The following SLC30A1 variants were observed in gnomAD, a reference collection of about 807,000 sequenced individuals.
SLC30A1 encodes proton-coupled zinc antiporter SLC30A1.
SLC30A1 carries 7 observed loss-of-function variants against 29.8 expected under a neutral mutation model. The observed-to-expected ratio is 0.23, with a 90% confidence interval of 0.13 to 0.44. The LOEUF (loss-of-function observed/expected upper bound fraction) is 0.44. Among genes scored for constraint, SLC30A1 ranks in the 20% least tolerant of loss-of-function variants. SLC30A1 has a pLI of 1.00. For synonymous variants in SLC30A1, 254 were observed against 253.5 expected, an observed-to-expected ratio of 1.00 and a Z score of -0.02; for missense variants, 446 against 647.9, an observed-to-expected ratio of 0.69 and a Z score of 3.38.
Position 211,575,553 on chromosome 1 carries a change from G to C in SLC30A1, c.1359C>G (p.Ala453=). 7 of 1,614,138 alleles carry C rather than the reference G, an allele frequency of 4.3e-6. No homozygotes were observed. Among genetic ancestry groups the C allele is most frequent in the African/African-American group, 1.3e-5 (1 of 75,030 alleles). ...LKQCCGTLPQ[A]PSGKDAEKTP... is the part of the protein sequence containing the mutation. ...TCTTTTCTGCATCCTTTCCAGAAGG[G>C]GCTTGTGGTAGTGTCCCACAACATT... The change falls in exon 2 of 2, where the codon GCC becomes GCG. Residue 453 remains alanine, a synonymous_variant. Coordinates refer to ENST00000367001, the MANE Select transcript of SLC30A1 (RefSeq NM_021194.3). This position sits in a 1 kb window ranked among gnomAD's most constrained non-coding sequence, Gnocchi z 6.0.
In SLC30A1 at chr1:211,572,909, TA is replaced by T. The variant is rs1706669166; in HGVS notation, c.*2478del. ...ATTCTACACTGATCTTGCTCAAATA[TA>T]AAAGAGCCAGCAGGAGAGATGCAAC... On this transcript the variant is annotated 3_prime_UTR_variant, in exon 2 of 2. Coordinates refer to ENST00000367001, the MANE Select transcript of SLC30A1 (RefSeq NM_021194.3). 1 of 152,078 alleles carries T rather than the reference TA, an allele frequency of 6.6e-6. No individual in the cohort carries two copies. Among genetic ancestry groups the T allele is most frequent in the Non-Finnish European group, 1.5e-5 (1 of 67,938 alleles). The allele number at this position is 152,078 out of a possible 1,614,324, so 9.4% of individuals were successfully genotyped here.
rs1265444547 is a variant in SLC30A1 at position 211,578,244 on chromosome 1, C to A, written c.369G>T (p.Gly123=). Residue 123 remains glycine, a synonymous_variant, in exon 1 of 2, where the codon GGG becomes GGT. Coordinates refer to ENST00000367001, the MANE Select transcript of SLC30A1 (RefSeq NM_021194.3). ...PLVVLGVGVA[G]LLVNVLGLCL... ...AGAGCCCCAGCACGTTGACCAGCAG[C>A]CCGGCCACGCCGACCCCAAGGACCA... 1.2e-6 allele frequency: 2 copies of A among 1,611,890 alleles called. No homozygotes were observed. Among genetic ancestry groups the A allele is most frequent in the East Asian group, 4.5e-5 (2 of 44,840 alleles).
Position 211,578,675 on chromosome 1 carries a change from G to C in SLC30A1, c.-63C>G. The C allele has an allele frequency of 7.1e-7, 1 of 1,406,836 alleles. No homozygotes were observed. Among genetic ancestry groups the C allele is most frequent in the Non-Finnish European group, 9.2e-7 (1 of 1,087,024 alleles). 87.1% of individuals were successfully genotyped at this position (1,406,836 alleles called of 1,614,324 possible). On this transcript the variant is annotated 5_prime_UTR_variant, in exon 1 of 2. Transcript: ENST00000367001. ...ACTGGTGCAGCGGCGGCGTTGGCGG[G>C]ACGCGGAGGGTCGGCGACCGCGACA... is the stretch of plus-strand genomic sequence containing the variant.
chr1:211,578,714 G>A lies in SLC30A1; in HGVS notation c.-102C>T, dbSNP rs1240653737. Reference sequence around the variant, plus strand: ...GCGACCGCGACACGGAGGAGCGCCCGAGTCGGGCCGTTCGGGAAACCGCTG... The same window carrying A: ...GCGACCGCGACACGGAGGAGCGCCCAAGTCGGGCCGTTCGGGAAACCGCTG... On this transcript the variant is annotated 5_prime_UTR_variant, in exon 1 of 2. Coordinates refer to ENST00000367001, the MANE Select transcript of SLC30A1 (RefSeq NM_021194.3). 4.8e-6 allele frequency: 6 copies of A among 1,243,858 alleles called. No individual in the cohort carries two copies. The highest frequency in any genetic ancestry group is 3.0e-5 in the East Asian group (1 of 33,030). 77.1% of individuals were successfully genotyped at this position (1,243,858 alleles called of 1,614,324 possible).
At position 211,578,094 on chromosome 1, in the gene SLC30A1, G is replaced by C. The variant is rs1389038137; in HGVS notation, c.519C>G (p.Ser173Arg). The C allele has an allele frequency of 1.2e-6, 2 of 1,611,500 alleles. No individual in the cohort carries two copies. Among genetic ancestry groups the C allele is most frequent in the African/African-American group, 1.3e-5 (1 of 75,034 alleles). The change falls in exon 1 of 2, where the codon AGC becomes AGG. Residue 173 changes from serine to arginine, a missense_variant. By Grantham distance (110) the Ser-to-Arg change is moderately radical (BLOSUM62 -1). Coordinates refer to ENST00000367001, the MANE Select transcript of SLC30A1 (RefSeq NM_021194.3). ...PRVKSTRPGS[S>R]DINVAPGEQG... ...GCTCGCCCGGGGCCACGTTGATGTC[G>C]CTGCTCCCGGGGCGGGTGCTCTTAA... is the stretch of plus-strand genomic sequence containing the variant.
chr1:211,573,402 G>C lies in SLC30A1; in HGVS notation c.*1986C>G, dbSNP rs544930558. On this transcript the variant is annotated 3_prime_UTR_variant, in exon 2 of 2. Transcript: ENST00000367001. ...TCATTCAGTTGATGTCTTGTACTTA[G>C]GTGTCATGCCATCTTTAAGACACAG... is the stretch of plus-strand genomic sequence containing the variant. The C allele has an allele frequency of 6.6e-6, 1 of 151,884 alleles. No homozygotes were observed. The highest frequency in any genetic ancestry group is 6.6e-5 in the Admixed American group (1 of 15,260). 9.4% of individuals were successfully genotyped at this position (151,884 alleles called of 1,614,324 possible).
rs1483149565 is a variant in SLC30A1, at chr1:211,578,313, G to A, written c.300C>T (p.Ala100=). ...CGTGCGGCTCGATGAAGCGCTCGAT[G>A]GCCTCCAGCAGGATGGCGAAACAGA... The part of the protein sequence containing the change: ...TGLCFAILLE[A]IERFIEPHEM... Residue 100 remains alanine (A), a synonymous_variant, in exon 1 of 2, where the codon GCC becomes GCT. Coordinates refer to ENST00000367001, the MANE Select transcript of SLC30A1 (RefSeq NM_021194.3). 1.2e-6 allele frequency: 2 copies of A among 1,613,218 alleles called. No homozygotes were observed. The highest frequency in any genetic ancestry group is 1.7e-6 in the Non-Finnish European group (2 of 1,179,876).
rs1017746579 is a variant in SLC30A1, at chr1:211,578,665, G to A, written c.-53C>T. 5.6e-6 allele frequency: 8 copies of A among 1,424,930 alleles called. No individual in the cohort carries two copies. Among genetic ancestry groups the A allele is most frequent in the Non-Finnish European group, 7.3e-6 (8 of 1,098,536 alleles). The allele number at this position is 1,424,930 out of a possible 1,614,324, so 88.3% of individuals were successfully genotyped here. On this transcript the variant is annotated 5_prime_UTR_variant, in exon 1 of 2. Coordinates refer to ENST00000367001, the MANE Select transcript of SLC30A1 (RefSeq NM_021194.3). ...CGGCCCGGAGACTGGTGCAGCGGCG[G>A]CGTTGGCGGGACGCGGAGGGTCGGC...
At chr1:211,576,852 AGAAAAATT>A in intron 1 of SLC30A1, among the ~76,000 whole-genome samples, 1 of 152,116 alleles carries the variant, frequency 6.6e-6, no homozygotes, top group African/African-American at 2.4e-5. Context: ...AGAGATTATT[AGAAAAATT>A]GAAACTAAAT....
chr1:211,577,148 C>T lies in SLC30A1; in HGVS notation c.622+843G>A, dbSNP rs1209773574. Among the ~76,000 whole-genome samples the T allele has an allele frequency of 1.3e-5, 2 of 152,186 alleles. No homozygotes were observed. The highest frequency in any genetic ancestry group is 2.4e-5 in the African/African-American group (1 of 41,516). ...TTTATAATGATACAAGGTAAATAAACGTAAGTGAAGGAAATAAGACCAAAT... is the reference window on the plus strand; with the variant it reads ...TTTATAATGATACAAGGTAAATAAATGTAAGTGAAGGAAATAAGACCAAAT... On this transcript the variant is annotated intron_variant, in intron 1 of 1. Coordinates refer to ENST00000367001, the MANE Select transcript of SLC30A1 (RefSeq NM_021194.3). This position sits in a 1 kb window ranked among gnomAD's most constrained non-coding sequence, Gnocchi z 4.5.
rs1189561731 is a variant in SLC30A1, at chr1:211,574,144, A to C, written c.*1244T>G. 6.6e-6 allele frequency: 1 copy of C among 152,166 alleles called. No homozygotes were observed. The highest frequency in any genetic ancestry group is 1.5e-5 in the Non-Finnish European group (1 of 67,904). The allele number at this position is 152,166 out of a possible 1,614,324, so 9.4% of individuals were successfully genotyped here. A position where few individuals can be genotyped will look rare whatever the true frequency, so the allele number is the denominator to read the frequency against. ...CTCTATCAAGAAAAATATAACTTAA[A>C]CACCCTTAAATATTTGTGTTGGATT... On this transcript the variant is annotated 3_prime_UTR_variant, in exon 2 of 2. Coordinates refer to ENST00000367001, the MANE Select transcript of SLC30A1 (RefSeq NM_021194.3).
chr1:211,575,269 T>C lies in SLC30A1; in HGVS notation c.*119A>G. 1.2e-6 allele frequency: 1 copy of C among 816,470 alleles called. No homozygotes were observed. Among genetic ancestry groups the C allele is most frequent in the South Asian group, 1.7e-5 (1 of 58,322 alleles). The allele number at this position is 816,470 out of a possible 1,614,324, so 50.6% of individuals were successfully genotyped here. A position where few individuals can be genotyped will look rare whatever the true frequency, so the allele number is the denominator to read the frequency against. ...CATTATGTTCTTACAAAAATAGAATTAAACTGTGTGACCAGACAAGGACTT... is the reference window on the plus strand; with the variant it reads ...CATTATGTTCTTACAAAAATAGAATCAAACTGTGTGACCAGACAAGGACTT... On this transcript the variant is annotated 3_prime_UTR_variant, in exon 2 of 2. Coordinates refer to ENST00000367001, the MANE Select transcript of SLC30A1 (RefSeq NM_021194.3). This position sits in a 1 kb window ranked among gnomAD's most constrained non-coding sequence, Gnocchi z 6.0.
Position 211,575,778 on chromosome 1 carries a change from A to G in SLC30A1, c.1134T>C (p.Ala378=). The G allele has an allele frequency of 6.2e-7, 1 of 1,614,184 alleles. No homozygotes were observed. The highest frequency in any genetic ancestry group is 8.5e-7 in the Non-Finnish European group (1 of 1,180,022). The change falls in exon 2 of 2, where the codon GCT becomes GCC. Residue 378 remains alanine (A), a synonymous_variant. Coordinates refer to ENST00000367001, the MANE Select transcript of SLC30A1 (RefSeq NM_021194.3). This position sits in a 1 kb window ranked among gnomAD's most constrained non-coding sequence, Gnocchi z 6.0. ...GAGCAGTGGCAATGATTCTGCTTCC[A>G]GCAAGTTGCCAAACATGTAATTCAT... ...EVHELHVWQL[A]GSRIIATAHI...
rs1238412851 is a variant in SLC30A1 at position 211,574,778 on chromosome 1, T to C, written c.*610A>G. On this transcript the variant is annotated 3_prime_UTR_variant, in exon 2 of 2. Transcript: ENST00000367001. ...TGCTCTTACTACCCCATTTGCCCCA[T>C]TGTGTGTAAACTGTAGTTCAATTTG... is the stretch of plus-strand genomic sequence containing the variant. 1 of 152,190 alleles carries C rather than the reference T, an allele frequency of 6.6e-6. No homozygotes were observed. The highest frequency in any genetic ancestry group is 6.5e-5 in the Admixed American group (1 of 15,278). The allele number at this position is 152,190 out of a possible 1,614,324, so 9.4% of individuals were successfully genotyped here.
At position 211,573,068 on chromosome 1, in the gene SLC30A1, C is replaced by T. The variant is rs1706671208; in HGVS notation, c.*2320G>A. ...TTTTGAGAAAGACACTTAAATCCTA[C>T]AATATTTAAATACAAAAGCATGTCT... On this transcript the variant is annotated 3_prime_UTR_variant, in exon 2 of 2. Coordinates refer to ENST00000367001, the MANE Select transcript of SLC30A1 (RefSeq NM_021194.3). 6.6e-6 allele frequency: 1 copy of T among 151,992 alleles called. No individual in the cohort carries two copies. Among genetic ancestry groups the T allele is most frequent in the South Asian group, 2.1e-4 (1 of 4,826 alleles). The allele number at this position is 151,992 out of a possible 1,614,324, so 9.4% of individuals were successfully genotyped here.
rs1034431063 is a variant in SLC30A1, at chr1:211,574,675, T to C, written c.*713A>G. 5 of 152,162 alleles carry C rather than the reference T, an allele frequency of 3.3e-5. No individual in the cohort carries two copies. The highest frequency in any genetic ancestry group is 1.2e-4 in the African/African-American group (5 of 41,456). The allele number at this position is 152,162 out of a possible 1,614,324, so 9.4% of individuals were successfully genotyped here. ...CTTTGGTAGAATAAAAAGTTGAAAT[T>C]CTCAAAATAATTTAGAAATGTAGTC... On this transcript the variant is annotated 3_prime_UTR_variant, in exon 2 of 2. Coordinates refer to ENST00000367001, the MANE Select transcript of SLC30A1 (RefSeq NM_021194.3).
rs773504553 is a variant in SLC30A1, at chr1:211,577,742, G to C, written c.622+249C>G. 6.6e-6 allele frequency among the ~76,000 whole-genome samples: 1 copy of C among 152,230 alleles called. No individual in the cohort carries two copies. The highest frequency in any genetic ancestry group is 1.5e-5 in the Non-Finnish European group (1 of 68,036). On this transcript the variant is annotated intron_variant, in intron 1 of 1. Coordinates refer to ENST00000367001, the MANE Select transcript of SLC30A1 (RefSeq NM_021194.3). The surrounding 1 kb of genome is among the most constrained non-coding windows in gnomAD (Gnocchi z 4.5). ...GATCACCTCCTGACCCTTTTTCTTAGGGTCTGACCCACAGCCCCCACCTAC... is the reference window on the plus strand; with the variant it reads ...GATCACCTCCTGACCCTTTTTCTTACGGTCTGACCCACAGCCCCCACCTAC...
Position 211,577,884 on chromosome 1 carries a change from A to T in SLC30A1, c.622+107T>A. 1.4e-6 allele frequency: 2 copies of T among 1,450,370 alleles called. No homozygotes were observed. The highest frequency in any genetic ancestry group is 1.9e-6 in the Non-Finnish European group (2 of 1,078,372). The allele number at this position is 1,450,370 out of a possible 1,614,324, so 89.8% of individuals were successfully genotyped here. ...GGAGCAGGCAGGGGCGGCGCGGCGC[A>T]GGCCCGCTCGGGCAGCAGGGGGCGT... On this transcript the variant is annotated intron_variant, in intron 1 of 1. Coordinates refer to ENST00000367001, the MANE Select transcript of SLC30A1 (RefSeq NM_021194.3). The surrounding 1 kb of genome is among the most constrained non-coding windows in gnomAD (Gnocchi z 4.5).
Position 211,578,806 on chromosome 1 carries a change from T to C in SLC30A1, c.-194A>G, listed in dbSNP as rs11810058. ...CGCCGAGCCCCGCGCCTGTGGGCGT[T>C]CTCCGCCAGCCGGCGGCGCCGCGCC... On this transcript the variant is annotated 5_prime_UTR_variant, in exon 1 of 2. Transcript: ENST00000367001. 55,305 of 396,766 alleles carry C rather than the reference T, an allele frequency of 0.14. 4,234 individuals are homozygous for C. Among genetic ancestry groups the C allele is most frequent in the African/African-American group, 0.23 (11,025 of 47,614 alleles). The allele number at this position is 396,766 out of a possible 1,614,324, so 24.6% of individuals were successfully genotyped here. A position where few individuals can be genotyped will look rare whatever the true frequency, so the allele number is the denominator to read the frequency against.
Sources: gnomAD v4.1 joint callset for allele counts (sites outside exome capture counted in the v4.1 genomes callset) on GRCh38, gnomAD v4.1.1 for gene constraint, Gnocchi (gnomAD v3.1) non-coding constraint, MANE v1.5 for transcripts, NCBI Gene and HGNC (gene_info 2026-07-23, HGNC 2026-07-21) for gene names.